Variants in SLC16A10 observed in about 807,000 individuals in gnomAD.
SLC16A10 encodes the protein solute carrier family 16 member 10, also known as monocarboxylate transporter 10.
A neutral mutation model predicts 40.0 loss-of-function variants in SLC16A10; 27 were observed. The observed-to-expected ratio is 0.67, with a 90% CI of 0.50 to 0.93. The LOEUF is 0.93. SLC16A10 is among the 40% of genes least tolerant of loss of function. The probability of loss-of-function intolerance (pLI) is 0.00; values close to 1 mark genes in which losing one functional copy is unlikely to be tolerated. For synonymous variants in SLC16A10, 213 were observed against 249.8 expected (o/e 0.85, Z 1.39); for missense variants, 529 against 658.2 (o/e 0.80, Z 2.15).
At chr6:111,149,705 A>G (rs951557644) in intron 1 of SLC16A10, among the ~76,000 whole-genome samples, 5 of 152,170 alleles carry the variant, frequency 3.3e-5, no homozygotes, top group Admixed American at 2.0e-4. Flanking sequence ...GGTTATCTTC[A>G]TATTTCAAAA....
chr6:111,093,076 G>A lies in SLC16A10; in HGVS notation c.343+4981G>A, dbSNP rs371585588. On this transcript the variant is annotated intron_variant, in intron 1 of 5. Transcript: ENST00000368851. ...AAAAAGAAAAGAAAAAAAGAAAAAA[G>A]AAAGAGCAACTTTGTTTTAACTCTG... Among the ~76,000 whole-genome samples the A allele has an allele frequency of 2.5e-3, 343 of 137,764 alleles. 2 individuals carry two copies. Among genetic ancestry groups the A allele is most frequent in the African/African-American group, 0.011 (334 of 29,236 alleles). The allele number at this position is 137,764 out of a possible 152,430, so 90.4% of individuals were successfully genotyped here.
intron 1 of SLC16A10, among the ~76,000 whole-genome samples, chr6:111,164,218 C>A (rs923581979): frequency 1.4e-5 from 2 of 146,582 alleles, no homozygotes; most frequent in Non-Finnish European, 2.9e-5. Context: ...AATTCCCATG[C>A]CTTCTTATAA....
At position 111,218,906 on chromosome 6, in the gene SLC16A10, T is replaced by C. The variant is rs757159122; in HGVS notation, c.1179T>C (p.Gly393=). 1 of 1,614,106 alleles carries C rather than the reference T, an allele frequency of 6.2e-7. No homozygotes were observed. Residue 393 remains glycine (G), a synonymous_variant, in exon 5 of 6, where the codon GGT becomes GGC. Transcript: ENST00000368851. ...TCATTGCTGTGTGCCTCATCATGGG[T>C]CTCTTCGATGGATGCTTCATTTCCA... is the stretch of plus-strand genomic sequence containing the variant. ...GALIAVCLIM[G]LFDGCFISIM...
chr6:111,135,160 G>C (rs1771855219), intron 1 of SLC16A10, among the ~76,000 whole-genome samples: 1 of 152,122 alleles, frequency 6.6e-6, no homozygotes, highest in South Asian at 2.1e-4. Context: ...CATAGGAGAA[G>C]GAACACCCAT....
At position 111,092,814 on chromosome 6, in the gene SLC16A10, T is replaced by C. The variant is rs1205643622; in HGVS notation, c.343+4719T>C. Among the ~76,000 whole-genome samples the C allele has an allele frequency of 1.9e-4, 28 of 150,458 alleles. 1 individual carries two copies. Among genetic ancestry groups the C allele is most frequent in the Admixed American group, 1.8e-3 (27 of 15,158 alleles). On this transcript the variant is annotated intron_variant, in intron 1 of 5. Transcript: ENST00000368851. ...CAGCCCTTTGGGAGGCCAAGGCAGGTGGATCACCTGAGGTCAGGAGATTGA... is the reference window on the plus strand; with the variant it reads ...CAGCCCTTTGGGAGGCCAAGGCAGGCGGATCACCTGAGGTCAGGAGATTGA...
intron 1 of SLC16A10, among the ~76,000 whole-genome samples, chr6:111,091,979 A>C (rs1770983553): frequency 6.6e-6 from 1 of 152,114 alleles, no homozygotes; most frequent in East Asian, 1.9e-4. Flanking sequence ...AAGTAATAGA[A>C]TATTTCCCTG....
At chr6:111,146,111 T>C (rs1353128245) in intron 1 of SLC16A10, among the ~76,000 whole-genome samples, 1 of 152,002 alleles carries the variant, frequency 6.6e-6, no homozygotes, top group African/African-American at 2.4e-5. Context: ...AACTCAGCAA[T>C]AAAAAGACAA....
intron 1 of SLC16A10, among the ~76,000 whole-genome samples, chr6:111,136,009 A>G (rs1242191735): frequency 6.6e-6 from 1 of 152,220 alleles, no homozygotes; most frequent in East Asian, 1.9e-4. Flanking sequence ...TAAAACAACT[A>G]AGAAGGTTCC....
chr6:111,159,399 G>A (rs1482774352), intron 1 of SLC16A10, among the ~76,000 whole-genome samples: 1 of 152,150 alleles, frequency 6.6e-6, no homozygotes, highest in Admixed American at 6.5e-5. Context: ...TTTCTCTGGA[G>A]TACATACCTG....
At chr6:111,148,158 G>A (rs895366999) in intron 1 of SLC16A10, among the ~76,000 whole-genome samples, 2 of 152,112 alleles carry the variant, frequency 1.3e-5, no homozygotes, top group Non-Finnish European at 2.9e-5. Flanking sequence ...GTGCTGTTGG[G>A]ATCCTATCTT....
chr6:111,143,671 A>T (rs1772024438), intron 1 of SLC16A10, among the ~76,000 whole-genome samples: 1 of 152,210 alleles, frequency 6.6e-6, no homozygotes, highest in Non-Finnish European at 1.5e-5. Context: ...CAATAAAAAG[A>T]TGAATTGTCA....
At chr6:111,127,121 A>G (rs1286787408) in intron 1 of SLC16A10, among the ~76,000 whole-genome samples, 1 of 152,252 alleles carries the variant, frequency 6.6e-6, no homozygotes, top group Non-Finnish European at 1.5e-5. Context: ...TGTGCTAGGC[A>G]TCAGGAGCAC....
At chr6:111,150,750 G>C (rs945977679) in intron 1 of SLC16A10, among the ~76,000 whole-genome samples, 20 of 152,172 alleles carry the variant, frequency 1.3e-4, no homozygotes, top group East Asian at 3.8e-4. Flanking sequence ...AGACACTGAG[G>C]GGGTGGAAAC....
At chr6:111,102,083 C>G (rs2114443254) in intron 1 of SLC16A10, among the ~76,000 whole-genome samples, 1 of 152,310 alleles carries the variant, frequency 6.6e-6, no homozygotes, top group South Asian at 2.1e-4. Flanking sequence ...ACCAGGCCTC[C>G]TTTGTTTAGT....
Position 111,132,906 on chromosome 6 carries a change from A to G in SLC16A10, c.344-39789A>G, listed in dbSNP as rs182022165. 2.6e-3 allele frequency among the ~76,000 whole-genome samples: 390 copies of G among 152,350 alleles called. 2 individuals are homozygous for G. Among genetic ancestry groups the G allele is most frequent in the African/African-American group, 8.8e-3 (368 of 41,588 alleles). On this transcript the variant is annotated intron_variant, in intron 1 of 5. Coordinates refer to ENST00000368851, the MANE Select transcript of SLC16A10 (RefSeq NM_018593.5). Reference sequence around the variant, plus strand: ...TGCCTAATAATTGGTCTGCTCAAACATGCGAGCTATTTGCACTCAGCCAAG... The same window carrying G: ...TGCCTAATAATTGGTCTGCTCAAACGTGCGAGCTATTTGCACTCAGCCAAG...
chr6:111,216,183 G>T (rs1161878840), intron 4 of SLC16A10, among the ~76,000 whole-genome samples: 1 of 152,146 alleles, frequency 6.6e-6, no homozygotes, highest in Non-Finnish European at 1.5e-5. Context: ...CTTAGAACCT[G>T]GTAGTGTCCC....
In SLC16A10 at chr6:111,227,459, T is replaced by A. The variant is rs1771022471; in HGVS notation, c.*5224T>A. 6.6e-6 allele frequency: 1 copy of A among 152,232 alleles called. No individual in the cohort carries two copies. Among genetic ancestry groups the A allele is most frequent in the South Asian group, 2.1e-4 (1 of 4,836 alleles). 9.4% of individuals were successfully genotyped at this position (152,232 alleles called of 1,614,324 possible). ...CACCATCAATGTGCATTTTATCAGA[T>A]GACTCCTCCTGAGACAGTAAAGACT... On this transcript the variant is annotated 3_prime_UTR_variant, in exon 6 of 6. Transcript: ENST00000368851.
chr6:111,207,981 T>G (rs1217176966), intron 4 of SLC16A10, among the ~76,000 whole-genome samples: 2 of 151,750 alleles, frequency 1.3e-5, no homozygotes, highest in Non-Finnish European at 2.9e-5. Flanking sequence ...TGTTTTTTGG[T>G]TTTTTGAGGC....
chr6:111,140,629 A>G (rs1165958825), intron 1 of SLC16A10, among the ~76,000 whole-genome samples: 4 of 152,124 alleles, frequency 2.6e-5, no homozygotes, highest in African/African-American at 9.7e-5. Context: ...AGGCTTATGT[A>G]CCTTATGTCT....
Sources: allele counts gnomAD v4.1 joint callset (sites outside exome capture counted in the v4.1 genomes callset), GRCh38; gene constraint gnomAD v4.1.1; transcripts MANE v1.5; gene names NCBI Gene and HGNC (gene_info 2026-07-23, HGNC 2026-07-21).